ZHX2: variants seen among roughly 807,000 people sequenced by gnomAD.
ZHX2 encodes the protein zinc fingers and homeoboxes 2.
In ZHX2, 6 loss-of-function variants were observed where a neutral mutation model predicts 21.9. The ratio of observed to expected loss-of-function variants is 0.27; its 90% CI spans 0.15 to 0.54. ZHX2 has a LOEUF of 0.54. ZHX2 is among the 20% of genes least tolerant of loss of function. ZHX2 has a pLI of 0.95. For missense variants in ZHX2, 908 were observed against 1,090.7 expected (o/e 0.83, Z 2.36); for synonymous variants, 434 against 437.1 (o/e 0.99, Z 0.09).
At chr8:122,934,675 C>T (rs2130166461) in intron 2 of ZHX2, among the ~76,000 whole-genome samples, 1 of 150,808 alleles carries the variant, frequency 6.6e-6, no homozygotes, top group East Asian at 2.0e-4. Context: ...TCCTTCCTGC[C>T]TTCCTTCCCT....
At chr8:122,851,544 G>A (rs1818901381) in intron 1 of ZHX2, among the ~76,000 whole-genome samples, 1 of 152,178 alleles carries the variant, frequency 6.6e-6, no homozygotes, top group African/African-American at 2.4e-5. Context: ...CAGATTGTCT[G>A]CTTTCCCCAT....
Position 122,811,797 on chromosome 8 carries a change from C to T in ZHX2, c.-283+29851C>T, listed in dbSNP as rs1477202958. 3 of 152,198 alleles carry T rather than the reference C, an allele frequency of 2.0e-5. No homozygotes were observed. The East Asian group carries it at 5.8e-4, about 29-fold the overall frequency. The allele number at this position is 152,198 out of a possible 1,614,324, so 9.4% of individuals were successfully genotyped here. A position where few individuals can be genotyped will look rare whatever the true frequency, so the allele number is the denominator to read the frequency against. ...GAAAATGTGTGAGAGGTAAGAATCC[C>T]CCTTTCACATTTAAGAAAGTTGCCA... On this transcript the variant is annotated intron_variant, in intron 1 of 3. Transcript: ENST00000314393.
chr8:122,973,984 A>C lies in ZHX2; in HGVS notation c.*747A>C, dbSNP rs1003010497. 2 of 152,664 alleles carry C rather than the reference A, an allele frequency of 1.3e-5. No homozygotes were observed. The highest frequency in any genetic ancestry group is 4.8e-5 in the African/African-American group (2 of 41,450). 9.5% of individuals were successfully genotyped at this position (152,664 alleles called of 1,614,324 possible). On this transcript the variant is annotated 3_prime_UTR_variant, in exon 4 of 4. Coordinates refer to ENST00000314393, the MANE Select transcript of ZHX2 (RefSeq NM_014943.5). ...CGGCCTCTTGGGCCAGGCTGTGCCC[A>C]GCCAGCCCTGGGAGAACTGGGTAGC...
chr8:122,821,803 C>A (rs917109122), intron 1 of ZHX2, among the ~76,000 whole-genome samples: 7 of 152,174 alleles, frequency 4.6e-5, no homozygotes, highest in African/African-American at 1.7e-4. Context: ...CTCCTGGTTT[C>A]AAGTGATTCT....
chr8:122,853,428 T>C (rs1168843069), intron 1 of ZHX2, among the ~76,000 whole-genome samples: 1 of 152,178 alleles, frequency 6.6e-6, no homozygotes, highest in African/African-American at 2.4e-5. Context: ...GAATCCAGCA[T>C]CTGAATGTGT....
chr8:122,798,242 T>G (rs1291275292), intron 1 of ZHX2, among the ~76,000 whole-genome samples: 1 of 152,212 alleles, frequency 6.6e-6, no homozygotes, highest in Non-Finnish European at 1.5e-5. Flanking sequence ...TGCTGGACAC[T>G]TTGTTCATTC....
At chr8:122,897,695 A>G (rs1279352465) in intron 2 of ZHX2, among the ~76,000 whole-genome samples, 2 of 151,962 alleles carry the variant, frequency 1.3e-5, no homozygotes, top group South Asian at 2.1e-4. Context: ...TTCCTGACAA[A>G]AAAAAAAAAA....
chr8:122,953,456 G>A lies in ZHX2; in HGVS notation c.1946G>A (p.Arg649Lys), dbSNP rs35319449. Residue 649 changes from arginine to lysine, a missense_variant, in exon 3 of 4, where the codon AGA becomes AAA. Physicochemically the swap from Arg to Lys is conservative, Grantham distance 26. Coordinates refer to ENST00000314393, the MANE Select transcript of ZHX2 (RefSeq NM_014943.5). This position sits in a 1 kb window ranked among gnomAD's most constrained non-coding sequence, Gnocchi z 4.6. ...CATCTCCTGAGGAGCACGTTTGCAA[G>A]AACCCAGTGGCCTACTCCCCAGGAG... ...QVHLLRSTFA[R>K]TQWPTPQEYD... 1 of 1,614,198 alleles carries A rather than the reference G, an allele frequency of 6.2e-7. No homozygotes were observed. The highest frequency in any genetic ancestry group is 8.5e-7 in the Non-Finnish European group (1 of 1,180,050).
chr8:122,787,154 A>G (rs557039910), intron 1 of ZHX2, among the ~76,000 whole-genome samples: 3 of 151,906 alleles, frequency 2.0e-5, no homozygotes, highest in Non-Finnish European at 4.4e-5. Flanking sequence ...TGACAACAGT[A>G]TATCAATTTC....
chr8:122,915,937 A>C (rs1318486553), intron 2 of ZHX2, among the ~76,000 whole-genome samples: 2 of 152,214 alleles, frequency 1.3e-5, no homozygotes, highest in Non-Finnish European at 2.9e-5. Context: ...TTCCAGGCCC[A>C]GGGCTTTGGT....
chr8:122,858,620 C>CT (rs370271822), intron 1 of ZHX2, among the ~76,000 whole-genome samples: 6 of 147,168 alleles, frequency 4.1e-5, no homozygotes, highest in Admixed American at 6.8e-5. Flanking sequence ...AGGTTAACTC[C>CT]TTTTTTTTTC....
At chr8:122,801,372 C>T (rs1183180408) in intron 1 of ZHX2, among the ~76,000 whole-genome samples, 1 of 152,086 alleles carries the variant, frequency 6.6e-6, no homozygotes, top group Non-Finnish European at 1.5e-5. Flanking sequence ...GACAACTGTC[C>T]TCACGAACAG....
chr8:122,944,072 T>C (rs1026215615), intron 2 of ZHX2, among the ~76,000 whole-genome samples: 1 of 152,204 alleles, frequency 6.6e-6, no homozygotes, highest in Non-Finnish European at 1.5e-5. Context: ...CTAGGTTCCT[T>C]TGATAGGAGT....
intron 2 of ZHX2, among the ~76,000 whole-genome samples, chr8:122,895,942 C>T (rs190915481): frequency 6.6e-6 from 1 of 152,182 alleles, no homozygotes; most frequent in Admixed American, 6.5e-5. Flanking sequence ...TTCTTTCTTG[C>T]AATCAGTGAT....
At chr8:122,817,192 G>A (rs1818053411) in intron 1 of ZHX2, among the ~76,000 whole-genome samples, 1 of 152,196 alleles carries the variant, frequency 6.6e-6, no homozygotes. Flanking sequence ...CACGGATCCT[G>A]GGGAGTACTC....
At chr8:122,793,477 C>T (rs1035699561) in intron 1 of ZHX2, among the ~76,000 whole-genome samples, 4 of 152,218 alleles carry the variant, frequency 2.6e-5, no homozygotes, top group Non-Finnish European at 4.4e-5. Context: ...GAGTGCATTG[C>T]CGTGCTCCCC....
At chr8:122,873,172 T>G (rs950905366) in intron 2 of ZHX2, among the ~76,000 whole-genome samples, 3 of 152,136 alleles carry the variant, frequency 2.0e-5, no homozygotes. Flanking sequence ...TGCACTGCCT[T>G]AAAAGCCTAG....
chr8:122,940,142 G>C (rs1193389506), intron 2 of ZHX2, among the ~76,000 whole-genome samples: 2 of 152,216 alleles, frequency 1.3e-5, no homozygotes, highest in Non-Finnish European at 2.9e-5. Flanking sequence ...GCTGTGGCCA[G>C]AGAAAAGTGG....
intron 1 of ZHX2, among the ~76,000 whole-genome samples, chr8:122,819,099 C>T (rs933697890): frequency 1.3e-5 from 2 of 152,190 alleles, no homozygotes; most frequent in African/African-American, 4.8e-5. Flanking sequence ...AGCTGAAGGC[C>T]TTCTTGAAGG....
Sources: allele counts gnomAD v4.1 joint callset (sites outside exome capture counted in the v4.1 genomes callset), GRCh38; gene constraint gnomAD v4.1.1; non-coding constraint Gnocchi (gnomAD v3.1); transcripts MANE v1.5; gene names NCBI Gene and HGNC (gene_info 2026-07-23, HGNC 2026-07-21).